EPB41L5: variants seen among roughly 807,000 people sequenced by gnomAD.
The protein encoded by EPB41L5 is erythrocyte membrane protein band 4.1 like 5.
EPB41L5 carries 55 observed loss-of-function variants against 106.6 expected under a neutral mutation model. That is an observed-to-expected ratio of 0.52 (90% CI 0.42 to 0.65). EPB41L5 has a LOEUF of 0.65. EPB41L5 is among the 30% of genes least tolerant of loss of function. The probability of loss-of-function intolerance (pLI) is 0.00; values close to 1 mark genes in which losing one functional copy is unlikely to be tolerated. For synonymous variants in EPB41L5, 297 were observed against 306.7 expected (o/e 0.97, Z 0.33); for missense variants, 871 against 882.1 (o/e 0.99, Z 0.16).
At chr2:120,155,317 A>C (rs1686855571) in intron 20 of EPB41L5, among the ~76,000 whole-genome samples, 1 of 152,182 alleles carries the variant, frequency 6.6e-6, no homozygotes, top group African/African-American at 2.4e-5. Context: ...GTGCTTTTAA[A>C]TATGTCATCC....
At chr2:120,108,024 T>G (rs185463576) in intron 16 of EPB41L5, 1 of 152,266 alleles carries the variant, frequency 6.6e-6, no homozygotes, top group East Asian at 1.9e-4. Flanking sequence ...GAAAATAACT[T>G]TGGCTTTTTT....
chr2:120,051,071 G>C (rs1427044094), intron 3 of EPB41L5, among the ~76,000 whole-genome samples: 1 of 152,188 alleles, frequency 6.6e-6, no homozygotes, highest in East Asian at 1.9e-4. Flanking sequence ...TGCCCCTACT[G>C]GGAGGTGGCT....
At position 120,175,998 on chromosome 2, in the gene EPB41L5, A is replaced by T. The variant is rs965281458; in HGVS notation, c.*1091A>T. The T allele has an allele frequency of 1.3e-5, 2 of 152,550 alleles. No homozygotes were observed. The highest frequency in any genetic ancestry group is 4.8e-5 in the African/African-American group (2 of 41,464). The allele number at this position is 152,550 out of a possible 1,614,324, so 9.4% of individuals were successfully genotyped here. A position where few individuals can be genotyped will look rare whatever the true frequency, so the allele number is the denominator to read the frequency against. ...ATACCGAAAGAACCTGCATTGCACT[A>T]GGAATTCTGTGTTAGTTTAAAAGAG... On this transcript the variant is annotated 3_prime_UTR_variant, in exon 25 of 25. Coordinates refer to ENST00000263713, the MANE Select transcript of EPB41L5 (RefSeq NM_020909.4).
chr2:120,168,026 AT>A lies in EPB41L5; in HGVS notation c.2135+22del. 1.2e-6 allele frequency: 2 copies of A among 1,613,658 alleles called. No homozygotes were observed. The highest frequency in any genetic ancestry group is 1.7e-6 in the Non-Finnish European group (2 of 1,179,644). The stretch of plus-strand genomic sequence containing the variant: ...TGACCAGGTGAGAAAATTATTTCTC[AT>A]TTGCAGTTCTTAGGCATCTGTTAGG... On this transcript the variant is annotated intron_variant, in intron 24 of 24. Coordinates refer to ENST00000263713, the MANE Select transcript of EPB41L5 (RefSeq NM_020909.4).
chr2:120,122,556 C>T (rs1685268840), intron 16 of EPB41L5, among the ~76,000 whole-genome samples: 1 of 152,286 alleles, frequency 6.6e-6, no homozygotes, highest in South Asian at 2.1e-4. Flanking sequence ...GGTACCAGTA[C>T]CATGCTGTTT....
intron 18 of EPB41L5, among the ~76,000 whole-genome samples, chr2:120,142,387 G>A (rs1278323886): frequency 6.6e-6 from 1 of 151,782 alleles, no homozygotes; most frequent in Non-Finnish European, 1.5e-5. Context: ...TTTTATTTCA[G>A]GAATCAGTTT....
intron 17 of EPB41L5, 60 bp from the exon 18 acceptor site, chr2:120,131,558 A>T: frequency 1.7e-6 from 2 of 1,188,642 alleles, no homozygotes. Flanking sequence ...ATACCCTCAC[A>T]CAGCTAGCTG....
chr2:120,050,006 G>C (rs1329250691), intron 3 of EPB41L5, among the ~76,000 whole-genome samples: 2 of 152,140 alleles, frequency 1.3e-5, no homozygotes, highest in Admixed American at 6.5e-5. Context: ...CTGTCTTCTG[G>C]CTTGTAGAGT....
intron 3 of EPB41L5, among the ~76,000 whole-genome samples, chr2:120,072,488 T>C (rs1681938538): frequency 6.6e-6 from 1 of 152,196 alleles, no homozygotes; most frequent in Admixed American, 6.5e-5. Context: ...CACATATGTT[T>C]ATTGCAGCAC....
chr2:120,154,636 A>C (rs1372496154), intron 20 of EPB41L5, among the ~76,000 whole-genome samples: 3 of 151,606 alleles, frequency 2.0e-5, no homozygotes, highest in East Asian at 3.9e-4. Context: ...CACAAATTAC[A>C]TGTTTATGGG....
At chr2:120,015,361 C>T (rs1015180752) in intron 1 of EPB41L5, among the ~76,000 whole-genome samples, 3 of 151,748 alleles carry the variant, frequency 2.0e-5, no homozygotes, top group Non-Finnish European at 2.9e-5. Context: ...GCTGTGTTGC[C>T]CAGGCAGGTC....
At chr2:120,151,632 T>A (rs908816083) in intron 20 of EPB41L5, among the ~76,000 whole-genome samples, 16 of 140,892 alleles carry the variant, frequency 1.1e-4, no homozygotes, top group African/African-American at 4.1e-4. Flanking sequence ...TTTTTTTTTT[T>A]AAAGACGGAG....
In EPB41L5 at chr2:120,077,252, A is replaced by G. The variant is rs1206740179; in HGVS notation, c.650A>G (p.Glu217Gly). 6.2e-7 allele frequency: 1 copy of G among 1,611,234 alleles called. No individual in the cohort carries two copies. The highest frequency in any genetic ancestry group is 8.5e-7 in the Non-Finnish European group (1 of 1,178,290). The change falls in exon 9 of 25, where the codon GAA becomes GGA. Residue 217 changes from glutamate (E) to glycine (G), a missense_variant. Glu to Gly is a moderately conservative substitution (Grantham distance 98). Coordinates refer to ENST00000263713, the MANE Select transcript of EPB41L5 (RefSeq NM_020909.4). ...EYRGQTPAQA[E>G]TNYLNKAKWL... ...AGAGGTCAAACACCAGCACAGGCTG[A>G]AACCAATTATCTGAATAAAGCCAAA...
chr2:120,165,082 T>C (rs113302879), intron 22 of EPB41L5, among the ~76,000 whole-genome samples, 172 bp downstream of exon 22: 1 of 152,372 alleles, frequency 6.6e-6, no homozygotes, highest in African/African-American at 2.4e-5. Flanking sequence ...TTTACCACTT[T>C]GAATTTGTGT....
chr2:120,033,151 AG>A (rs1202212058), intron 2 of EPB41L5, among the ~76,000 whole-genome samples: 1 of 152,206 alleles, frequency 6.6e-6, no homozygotes, highest in Non-Finnish European at 1.5e-5. Flanking sequence ...ACCCAGAATA[AG>A]TATTATCATG....
chr2:120,033,791 TAA>T (rs1678872586), intron 2 of EPB41L5, among the ~76,000 whole-genome samples: 1 of 150,960 alleles, frequency 6.6e-6, no homozygotes, highest in African/African-American at 2.4e-5. Context: ...TGTACCAACC[TAA>T]AATAGATTGT....
chr2:120,151,856 A>T (rs1686695167), intron 20 of EPB41L5, among the ~76,000 whole-genome samples: 2 of 152,084 alleles, frequency 1.3e-5, no homozygotes, highest in African/African-American at 4.8e-5. Context: ...ATCTCAGGTA[A>T]TCGGCCCGCC....
intron 16 of EPB41L5, among the ~76,000 whole-genome samples, chr2:120,110,988 TAATTTCTTAGATTTTGTTTGTTTCACA>T (rs1684705902): frequency 6.6e-6 from 1 of 152,058 alleles, no homozygotes; most frequent in Non-Finnish European, 1.5e-5. Flanking sequence ...GTACCAATGT[TAATTTCTTAGATTTTGTTTGTTTCACA>T]AAACCTAAGA....
chr2:120,040,240 A>G (rs1271912718), intron 2 of EPB41L5, among the ~76,000 whole-genome samples: 2 of 152,182 alleles, frequency 1.3e-5, no homozygotes, highest in Non-Finnish European at 2.9e-5. Context: ...GAAGAGGTCC[A>G]TATAGAATAC....
Sources: gnomAD v4.1 joint callset for allele counts (sites outside exome capture counted in the v4.1 genomes callset) on GRCh38, gnomAD v4.1.1 for gene constraint, MANE v1.5 for transcripts, NCBI Gene and HGNC (gene_info 2026-07-23, HGNC 2026-07-21) for gene names.